ADGRB3: variants seen among roughly 807,000 people sequenced by gnomAD.
ADGRB3 encodes adhesion G protein-coupled receptor B3.
Under a neutral mutation model 193.4 loss-of-function variants are expected in ADGRB3, and 37 were observed. The observed-to-expected ratio is 0.19, with a 90% confidence interval of 0.15 to 0.25. The LOEUF is 0.25. Among genes scored for constraint, ADGRB3 ranks in the 10% least tolerant of loss-of-function variants. The probability of loss-of-function intolerance (pLI) is 1.00; values close to 1 mark genes in which losing one functional copy is unlikely to be tolerated. For missense variants in ADGRB3, 1,637 were observed against 1,852.9 expected (o/e 0.88, Z 2.14); for synonymous variants, 690 against 644.2 (o/e 1.07, Z -1.08).
chr6:69,333,023 G>A lies in ADGRB3; in HGVS notation c.3188+15G>A, dbSNP rs371804294. Reference sequence around the variant, plus strand: ...CACAGAGCCGGGTAAGCTGCAATTGGTGGATTTTGAAGGTTATTTATCAGT... The same window carrying A: ...CACAGAGCCGGGTAAGCTGCAATTGATGGATTTTGAAGGTTATTTATCAGT... On this transcript the variant is annotated intron_variant, in intron 24 of 31. Transcript: ENST00000370598. 1.2e-6 allele frequency: 2 copies of A among 1,611,646 alleles called. No homozygotes were observed. The highest frequency in any genetic ancestry group is 2.7e-5 in the African/African-American group (2 of 74,828).
chr6:69,270,012 T>C (rs995114755), intron 20 of ADGRB3, among the ~76,000 whole-genome samples: 7 of 152,192 alleles, frequency 4.6e-5, no homozygotes, highest in African/African-American at 1.4e-4. Flanking sequence ...TAAAGTACAA[T>C]GTTTCTCATC....
intron 23 of ADGRB3, chr6:69,331,762 G>T: frequency 1.0e-6 from 1 of 985,178 alleles, no homozygotes; most frequent in Non-Finnish European, 1.2e-6. Flanking sequence ...GTATATAATT[G>T]AAACACCAAA....
At chr6:68,730,546 A>G (rs962338678) in intron 3 of ADGRB3, among the ~76,000 whole-genome samples, 1 of 151,666 alleles carries the variant, frequency 6.6e-6, no homozygotes, top group Non-Finnish European at 1.5e-5. Context: ...GGATAAATTC[A>G]TATGCAATTG....
intron 3 of ADGRB3, among the ~76,000 whole-genome samples, chr6:68,819,391 C>T (rs1767704964): frequency 6.6e-6 from 1 of 151,926 alleles, no homozygotes; most frequent in African/African-American, 2.4e-5. Context: ...TCTTGCATTG[C>T]CCCTCCATTC....
At chr6:68,894,602 G>A (rs563457419) in intron 3 of ADGRB3, among the ~76,000 whole-genome samples, 4 of 151,798 alleles carry the variant, frequency 2.6e-5, no homozygotes, top group Admixed American at 6.6e-5. Flanking sequence ...ATTACCTTAT[G>A]AACTCATGTT....
chr6:68,967,471 G>T (rs564743757), intron 8 of ADGRB3, among the ~76,000 whole-genome samples: 2 of 152,116 alleles, frequency 1.3e-5, no homozygotes, highest in African/African-American at 2.4e-5. Flanking sequence ...AGCCCTCCAA[G>T]GCCAAACTTA....
intron 11 of ADGRB3, among the ~76,000 whole-genome samples, chr6:69,009,446 A>G (rs1769868282): frequency 6.6e-6 from 1 of 152,156 alleles, no homozygotes; most frequent in Non-Finnish European, 1.5e-5. Flanking sequence ...AAACAGTTCT[A>G]CAGGCAGGGC....
At chr6:68,679,411 A>G (rs1279863845) in intron 3 of ADGRB3, among the ~76,000 whole-genome samples, 1 of 152,146 alleles carries the variant, frequency 6.6e-6, no homozygotes, top group African/African-American at 2.4e-5. Context: ...GCTTGCACAG[A>G]AGGCACACTG....
At chr6:69,190,386 T>C (rs1765162012) in intron 17 of ADGRB3, among the ~76,000 whole-genome samples, 2 of 151,720 alleles carry the variant, frequency 1.3e-5, no homozygotes, top group African/African-American at 4.8e-5. Flanking sequence ...ACAACAAAAA[T>C]TTAAAAATAA....
chr6:69,359,485 AAGAT>A (rs916730476), intron 28 of ADGRB3, among the ~76,000 whole-genome samples: 2 of 105,746 alleles, frequency 1.9e-5, no homozygotes, highest in Non-Finnish European at 4.0e-5. Flanking sequence ...TTTACTGCCT[AAGAT>A]AAAGAGACAA....
chr6:69,373,158 A>G (rs1451672254), intron 30 of ADGRB3, among the ~76,000 whole-genome samples: 6 of 152,038 alleles, frequency 3.9e-5, no homozygotes, highest in Non-Finnish European at 8.8e-5. Flanking sequence ...ATAATTGGAT[A>G]TGATTCATAG....
chr6:68,661,339 ATATG>A lies in ADGRB3; in HGVS notation c.757+21909_757+21912del, dbSNP rs796561819. 4.6e-3 allele frequency among the ~76,000 whole-genome samples: 444 copies of A among 95,838 alleles called. 14 individuals carry two copies. Among genetic ancestry groups the A allele is most frequent in the African/African-American group, 0.013 (353 of 26,618 alleles). The allele number at this position is 95,838 out of a possible 152,430, so 62.9% of individuals were successfully genotyped here. ...TGTGTGTGTGTGTATATATATATAT[ATATG>A]TGTGTGTGTGTGTGTGTGTGTATAT... On this transcript the variant is annotated intron_variant, in intron 3 of 31. Coordinates refer to ENST00000370598, the MANE Select transcript of ADGRB3 (RefSeq NM_001704.3).
At chr6:68,842,012 A>G (rs1040561250) in intron 3 of ADGRB3, among the ~76,000 whole-genome samples, 1 of 152,034 alleles carries the variant, frequency 6.6e-6, no homozygotes, top group African/African-American at 2.4e-5. Flanking sequence ...AGTAACTGAA[A>G]GAGTATAATT....
chr6:68,749,230 A>C (rs1766144651), intron 3 of ADGRB3, among the ~76,000 whole-genome samples: 1 of 152,138 alleles, frequency 6.6e-6, no homozygotes, highest in Admixed American at 6.5e-5. Flanking sequence ...AGCCAGCTTG[A>C]ATTTATCCCA....
chr6:69,081,113 C>A lies in ADGRB3; in HGVS notation c.2480+5075C>A, dbSNP rs62416812. ...TCGTAGTCAGTATGTTGCAGAACTGCAGAAGCAGATAAGTTAAATTTTTGG... is the reference window on the plus strand; with the variant it reads ...TCGTAGTCAGTATGTTGCAGAACTGAAGAAGCAGATAAGTTAAATTTTTGG... On this transcript the variant is annotated intron_variant, in intron 17 of 31. Coordinates refer to ENST00000370598, the MANE Select transcript of ADGRB3 (RefSeq NM_001704.3). Among the ~76,000 whole-genome samples the A allele has an allele frequency of 2.7e-3, 415 of 152,072 alleles. 2 individuals are homozygous for A. Among genetic ancestry groups the A allele is most frequent in the Middle Eastern group, 6.8e-3 (2 of 294 alleles).
chr6:68,903,125 A>AT (rs1354923569), intron 3 of ADGRB3, among the ~76,000 whole-genome samples: 47 of 152,332 alleles, frequency 3.1e-4, no homozygotes, highest in Admixed American at 8.5e-4. Context: ...AGCAGCAAGC[A>AT]TGCTGATCAA....
At chr6:69,125,236 C>T (rs2150331781) in intron 17 of ADGRB3, among the ~76,000 whole-genome samples, 1 of 152,262 alleles carries the variant, frequency 6.6e-6, no homozygotes, top group Admixed American at 6.5e-5. Context: ...AGCCTCTATT[C>T]CTCTTCTTAC....
At chr6:68,698,155 A>C (rs961122736) in intron 3 of ADGRB3, among the ~76,000 whole-genome samples, 12 of 151,886 alleles carry the variant, frequency 7.9e-5, no homozygotes, top group African/African-American at 2.7e-4. Flanking sequence ...CACTTATTTC[A>C]AATTTAAAAC....
chr6:69,043,334 G>GAAAGAAAGAAAGGAAGGAAGAAAGAA (rs1554252122), intron 13 of ADGRB3, among the ~76,000 whole-genome samples: 3 of 110,048 alleles, frequency 2.7e-5, no homozygotes, highest in Non-Finnish European at 5.8e-5. Context: ...GAAAGAAAGA[G>GAAAGAAAGAAAGGAAGGAAGAAAGAA]AAAGAAAAGA....
Sources: allele counts gnomAD v4.1 joint callset (sites outside exome capture counted in the v4.1 genomes callset), GRCh38; gene constraint gnomAD v4.1.1; transcripts MANE v1.5; gene names NCBI Gene and HGNC (gene_info 2026-07-23, HGNC 2026-07-21).